ANO3: variants seen among roughly 807,000 people sequenced by gnomAD.
ANO3 encodes the protein anoctamin-3.
Under a neutral mutation model 144.8 loss-of-function variants are expected in ANO3, and 99 were observed. The observed-to-expected ratio is 0.68, with a 90% CI of 0.58 to 0.81. The LOEUF is 0.81. Among genes scored for constraint, ANO3 ranks in the 30% least tolerant of loss-of-function variants. ANO3 has a pLI of 0.00. For missense variants in ANO3, 905 were observed against 1,202.2 expected, an observed-to-expected ratio of 0.75 and a Z score of 3.66; for synonymous variants, 414 against 392.6, an observed-to-expected ratio of 1.05 and a Z score of -0.64.
intron 1 of ANO3, among the ~76,000 whole-genome samples, chr11:26,257,024 A>G (rs996646281): frequency 1.1e-4 from 17 of 152,112 alleles, no homozygotes; most frequent in African/African-American, 4.1e-4. Flanking sequence ...AACAATGCAG[A>G]TCAAAATTGT....
At chr11:26,639,750 T>C (rs1280704840) in intron 21 of ANO3, among the ~76,000 whole-genome samples, 1 of 152,142 alleles carries the variant, frequency 6.6e-6, no homozygotes, top group African/African-American at 2.4e-5. Flanking sequence ...ATCAAAACAA[T>C]AGCATTCTAT....
intron 1 of ANO3, among the ~76,000 whole-genome samples, chr11:26,301,924 T>A (rs1854243000): frequency 1.3e-5 from 2 of 152,184 alleles, no homozygotes; most frequent in Non-Finnish European, 2.9e-5. Flanking sequence ...TAGATAGGCC[T>A]GCATGTTTTA....
intron 11 of ANO3, among the ~76,000 whole-genome samples, chr11:26,544,224 T>C (rs1244115616): frequency 9.3e-6 from 1 of 108,000 alleles, no homozygotes; most frequent in African/African-American, 3.2e-5. Flanking sequence ...CTTCTCCTTT[T>C]TTAAGGTTAA....
At chr11:26,294,303 T>C (rs1235069280) in intron 1 of ANO3, among the ~76,000 whole-genome samples, 3 of 152,212 alleles carry the variant, frequency 2.0e-5, no homozygotes, top group Admixed American at 2.0e-4. Context: ...CTGTGTATTT[T>C]AGTGTTTATC....
chr11:26,455,178 C>G (rs1235194064), intron 3 of ANO3, among the ~76,000 whole-genome samples: 1 of 150,536 alleles, frequency 6.6e-6, no homozygotes, highest in Non-Finnish European at 1.5e-5. Flanking sequence ...CAGGGATGCC[C>G]TCTCTCACCA....
chr11:26,498,514 A>G (rs1432871683), intron 4 of ANO3, among the ~76,000 whole-genome samples: 1 of 150,462 alleles, frequency 6.6e-6, no homozygotes, highest in Admixed American at 6.6e-5. Flanking sequence ...TATATTTGTT[A>G]TTATCAATGA....
intron 17 of ANO3, among the ~76,000 whole-genome samples, chr11:26,613,785 A>T (rs1306927119): frequency 6.6e-6 from 1 of 152,166 alleles, no homozygotes; most frequent in Non-Finnish European, 1.5e-5. Flanking sequence ...AGCCTAGTCT[A>T]TGGTTGACTA....
chr11:26,240,221 G>C (rs535556985), intron 1 of ANO3, among the ~76,000 whole-genome samples: 3 of 152,144 alleles, frequency 2.0e-5, no homozygotes, highest in African/African-American at 7.2e-5. Context: ...GACAATAAAG[G>C]TTATTATTAT....
intron 1 of ANO3, among the ~76,000 whole-genome samples, chr11:26,241,845 C>T (rs971854725): frequency 6.6e-6 from 1 of 152,112 alleles, no homozygotes; most frequent in African/African-American, 2.4e-5. Flanking sequence ...AGGTTTCCTA[C>T]CCAGGCAGTA....
intron 16 of ANO3, among the ~76,000 whole-genome samples, chr11:26,599,279 T>C (rs1851726906): frequency 6.6e-6 from 1 of 152,210 alleles, no homozygotes; most frequent in Non-Finnish European, 1.5e-5. Flanking sequence ...AGACATCTTG[T>C]GTTAAAAATG....
chr11:26,255,087 A>G (rs561754634), intron 1 of ANO3, among the ~76,000 whole-genome samples: 4 of 152,242 alleles, frequency 2.6e-5, no homozygotes, highest in African/African-American at 9.6e-5. Flanking sequence ...CTCCATTAGG[A>G]AGTGATCTAA....
chr11:26,572,030 C>T (rs914616419), intron 14 of ANO3: 16 of 955,728 alleles, frequency 1.7e-5, no homozygotes, highest in Admixed American at 6.2e-5. Context: ...AGTGACCCAA[C>T]GCACACTTAC....
At chr11:26,307,696 G>A (rs1268536710), upstream of ANO3, among the ~76,000 whole-genome samples, 4 of 148,088 alleles carry the variant, frequency 2.7e-5, no homozygotes, top group Non-Finnish European at 5.9e-5. Flanking sequence ...TGTAGCCTGG[G>A]CAACAAGAGC....
intron 1 of ANO3, among the ~76,000 whole-genome samples, chr11:26,413,848 T>G (rs1303511062): frequency 6.6e-6 from 1 of 152,090 alleles, no homozygotes; most frequent in East Asian, 1.9e-4. Flanking sequence ...CTTGCATTTA[T>G]TGGCAGCTTT....
intron 24 of ANO3, among the ~76,000 whole-genome samples, chr11:26,654,647 G>A (rs181173525): frequency 3.3e-4 from 50 of 151,990 alleles, no homozygotes; most frequent in African/African-American, 1.2e-3. Context: ...TAGTTACAAG[G>A]GAAACGTTTG....
intron 1 of ANO3, among the ~76,000 whole-genome samples, chr11:26,346,219 G>A (rs1466705774): frequency 1.3e-5 from 2 of 152,160 alleles, no homozygotes; most frequent in African/African-American, 2.4e-5. Flanking sequence ...AGTACACTGT[G>A]AGATATATTA....
At chr11:26,331,321 C>A (rs1855034265), upstream of ANO3, 2 of 152,072 alleles carry the variant, frequency 1.3e-5, no homozygotes, top group Non-Finnish European at 2.9e-5. Context: ...ACATGTACCA[C>A]GAACTTAAAA....
chr11:26,201,765 T>G (rs1032774269), intron 1 of ANO3, among the ~76,000 whole-genome samples: 38 of 151,232 alleles, frequency 2.5e-4, no homozygotes, highest in African/African-American at 5.6e-4. Context: ...AAGTTTTGTT[T>G]TTTTTTTTTT....
intron 1 of ANO3, among the ~76,000 whole-genome samples, chr11:26,300,488 C>T (rs936802153): frequency 3.3e-5 from 5 of 152,148 alleles, no homozygotes; most frequent in Non-Finnish European, 5.9e-5. Context: ...GGAGAAGAAT[C>T]GAGACACACC....
Sources: allele counts gnomAD v4.1 joint callset (sites outside exome capture counted in the v4.1 genomes callset), GRCh38; gene constraint gnomAD v4.1.1; transcripts MANE v1.5; gene names NCBI Gene and HGNC (gene_info 2026-07-23, HGNC 2026-07-21).